The following MGA variants were observed in gnomAD, a reference collection of about 807,000 sequenced individuals.
MGA encodes MAX gene-associated protein.
MGA carries 40 observed loss-of-function variants against 261.1 expected under a neutral mutation model. The observed-to-expected ratio is 0.15, with a 90% CI of 0.12 to 0.20. MGA has a LOEUF of 0.20. MGA is among the 10% of genes least tolerant of loss of function. The pLI is 1.00. For missense variants in MGA, 3,397 were observed against 3,630.5 expected (o/e 0.94, Z 1.65); for synonymous variants, 1,302 against 1,290.6 (o/e 1.01, Z -0.19).
chr15:41,763,912 C>G (rs1288830825), intron 22 of MGA, among the ~76,000 whole-genome samples: 3 of 152,078 alleles, frequency 2.0e-5, no homozygotes, highest in Non-Finnish European at 4.4e-5. Context: ...AATCCCACCC[C>G]TTAGGGAGGC....
Position 41,707,756 on chromosome 15 carries a change from A to C in MGA, c.2217A>C (p.Pro739=), listed in dbSNP as rs751528383. 2 of 1,611,416 alleles carry C rather than the reference A, an allele frequency of 1.2e-6. No individual in the cohort carries two copies. The highest frequency in any genetic ancestry group is 2.7e-5 in the African/African-American group (2 of 74,846). The change falls in exon 6 of 24, where the codon CCA becomes CCC. Residue 739 remains proline, a synonymous_variant. Transcript: ENST00000219905. Reference sequence around the variant, plus strand: ...GCTTAAAATTGAATTCAGTGGATCCAACAATGAGCATTGATCTTAAATACT... The same window carrying C: ...GCTTAAAATTGAATTCAGTGGATCCCACAATGAGCATTGATCTTAAATACT...
chr15:41,718,320 T>TACACAC (rs1555424434), intron 9 of MGA: 10 of 239,010 alleles, frequency 4.2e-5, no homozygotes, highest in African/African-American at 2.4e-4. Context: ...TATATATATA[T>TACACAC]ACATATATAT....
chr15:41,688,390 TCTA>T, intron 2 of MGA, among the ~76,000 whole-genome samples: 2 of 152,310 alleles, frequency 1.3e-5, no homozygotes, highest in South Asian at 4.1e-4. Flanking sequence ...TATTTTAAAG[TCTA>T]CTTTGTTTGA....
In MGA at chr15:41,727,388, T is replaced by G; in HGVS notation, c.3639T>G (p.Thr1213=). ...GAATTAAATCTCCACGGTCATATAC[T>G]CCCAAACCCAATCCTGTGGTAAGTC... is the stretch of plus-strand genomic sequence containing the variant. Residue 1213 remains threonine, a synonymous_variant, in exon 10 of 24, where the codon ACT becomes ACG. Coordinates refer to ENST00000219905, the MANE Select transcript of MGA (RefSeq NM_001164273.2). 6.2e-7 allele frequency: 1 copy of G among 1,613,450 alleles called. No homozygotes were observed. Among genetic ancestry groups the G allele is most frequent in the Non-Finnish European group, 8.5e-7 (1 of 1,179,648 alleles).
chr15:41,704,724 A>G lies in MGA; in HGVS notation c.2189-3004A>G, dbSNP rs369107372. ...TTTTCCTTATAATATGTGCTTTTCT[A>G]TTCTGTGTTTACTACTTATATAGGT... On this transcript the variant is annotated intron_variant, in intron 5 of 23. Transcript: ENST00000219905. Among the ~76,000 whole-genome samples the G allele has an allele frequency of 5.3e-5, 8 of 152,302 alleles. No individual in the cohort carries two copies. The East Asian group carries it at 1.3e-3, about 26-fold the overall frequency.
At chr15:41,634,661 G>A (rs2056662614) in intron 1 of MGA, among the ~76,000 whole-genome samples, 1 of 152,102 alleles carries the variant, frequency 6.6e-6, no homozygotes, top group Non-Finnish European at 1.5e-5. Context: ...GGAGTTGCTG[G>A]GTATGAAGAT....
At chr15:41,754,759 G>A (rs946259652) in intron 18 of MGA, among the ~76,000 whole-genome samples, 192 bp downstream of exon 18, 2 of 152,152 alleles carry the variant, frequency 1.3e-5, no homozygotes, top group African/African-American at 4.8e-5. Context: ...GTAGGAGGCA[G>A]TGTGTAAATG....
At chr15:41,757,189 A>G (rs900538221) in intron 18 of MGA, among the ~76,000 whole-genome samples, 10 of 152,186 alleles carry the variant, frequency 6.6e-5, no homozygotes, top group Non-Finnish European at 1.3e-4. Context: ...CACGGATGGG[A>G]AGACCAAGTT....
chr15:41,698,557 T>G (rs2059668991), intron 3 of MGA, among the ~76,000 whole-genome samples: 1 of 152,218 alleles, frequency 6.6e-6, no homozygotes, highest in Non-Finnish European at 1.5e-5. Flanking sequence ...GCTATCTGAA[T>G]ATAGGCTCTG....
rs560038518 is a variant in MGA at position 41,760,223 on chromosome 15, A to G, written c.7192-100A>G. ...AGAGGCTGTTACAACAGTCCAGACA[A>G]AAGGTAATGAGTGCCTGAAATAGGG... On this transcript the variant is annotated intron_variant, in intron 19 of 23. Transcript: ENST00000219905. 59 of 1,122,028 alleles carry G rather than the reference A, an allele frequency of 5.3e-5. 1 individual carries two copies. The South Asian group carries it at 7.5e-4, about 14-fold the overall frequency. 69.5% of individuals were successfully genotyped at this position (1,122,028 alleles called of 1,614,324 possible). A position where few individuals can be genotyped will look rare whatever the true frequency, so the allele number is the denominator to read the frequency against.
At chr15:41,654,795 C>T (rs967261107) in intron 1 of MGA, among the ~76,000 whole-genome samples, 2 of 151,834 alleles carry the variant, frequency 1.3e-5, no homozygotes, top group African/African-American at 2.4e-5. Context: ...ATTACAGGCC[C>T]GAGCCACTGT....
rs779824999 is a variant in MGA at position 41,736,192 on chromosome 15, A to C, written c.3928A>C (p.Lys1310Gln). The change falls in exon 13 of 24, where the codon AAG becomes CAG. Residue 1310 changes from lysine to glutamine, a missense_variant. Around this residue, in one of 9 missense-constraint regions of MGA, gnomAD observed 1,410 missense variants for 1,386.4 expected, o/e 1.02. Transcript: ENST00000219905. ...TTATTTTACATCAGAAAAGAGCTGG[A>C]AGTCTTCCTGCAATGAAGGAGAATC... The C allele has an allele frequency of 1.6e-4, 253 of 1,563,384 alleles. No individual in the cohort carries two copies. Among genetic ancestry groups the C allele is most frequent in the Non-Finnish European group, 2.1e-4 (241 of 1,155,214 alleles).
chr15:41,744,110 CTT>C (rs2062286071), intron 15 of MGA, among the ~76,000 whole-genome samples: 1 of 151,988 alleles, frequency 6.6e-6, no homozygotes, highest in Non-Finnish European at 1.5e-5. Context: ...TCCTCTCTGT[CTT>C]TTATGGAAGA....
At chr15:41,651,638 T>TCTCCCCTCTTCTCTCCC (rs2057048877) in intron 1 of MGA, among the ~76,000 whole-genome samples, 1 of 118,830 alleles carries the variant, frequency 8.4e-6, no homozygotes, top group Non-Finnish European at 1.7e-5. Flanking sequence ...TCTTCTCTCC[T>TCTCCCCTCTTCTCTCCC]CTCCCCTCTC....
intron 2 of MGA, among the ~76,000 whole-genome samples, chr15:41,676,535 C>A (rs2058387516): frequency 6.6e-6 from 1 of 152,186 alleles, no homozygotes; most frequent in Non-Finnish European, 1.5e-5. Flanking sequence ...AAATACTGTT[C>A]CCACAATCTA....
chr15:41,743,029 T>TTGCTTCCAC lies in MGA; in HGVS notation c.5079_5087dup (p.Ala1694_Thr1696dup). 6.2e-7 allele frequency: 1 copy of TTGCTTCCAC among 1,614,012 alleles called. No individual in the cohort carries two copies. The highest frequency in any genetic ancestry group is 8.5e-7 in the Non-Finnish European group (1 of 1,179,886). On this transcript the variant is annotated inframe_insertion, in exon 15 of 24. Coordinates refer to ENST00000219905, the MANE Select transcript of MGA (RefSeq NM_001164273.2). ...TCTCCTTCAACCATAACTCTTCCTGTTGCTTCCACTGCTTCCACCTCCTTA... is the reference window on the plus strand; with the variant it reads ...TCTCCTTCAACCATAACTCTTCCTGTTGCTTCCACTGCTTCCACTGCTTCCACCTCCTTA...
At chr15:41,718,517 G>A in intron 9 of MGA, 1 of 523,202 alleles carries the variant, frequency 1.9e-6, no homozygotes, top group Non-Finnish European at 3.5e-6. Context: ...CTGTAGTCTT[G>A]TAGTTCTCTT....
intron 2 of MGA, among the ~76,000 whole-genome samples, chr15:41,673,540 C>CTTTCT (rs2058195824): frequency 8.4e-6 from 1 of 118,940 alleles, no homozygotes; most frequent in Non-Finnish European, 1.7e-5. Context: ...TTCTTTCTTT[C>CTTTCT]TTTTTTTTTT....
chr15:41,639,702 G>A (rs1239533777), intron 1 of MGA, among the ~76,000 whole-genome samples: 1 of 151,752 alleles, frequency 6.6e-6, no homozygotes, highest in Non-Finnish European at 1.5e-5. Flanking sequence ...CTGCCACCAC[G>A]CCCAGCTAAT....
Sources: gnomAD v4.1 joint callset for allele counts (sites outside exome capture counted in the v4.1 genomes callset) on GRCh38, gnomAD v4.1.1 for gene constraint, gnomAD v4.1.1 regional missense constraint, MANE v1.5 for transcripts, NCBI Gene and HGNC (gene_info 2026-07-23, HGNC 2026-07-21) for gene names.